The following XYLT1 variants were observed in gnomAD, a reference collection of about 807,000 sequenced individuals.
XYLT1 encodes xylosyltransferase 1, also known as beta-D-xylosyltransferase 1.
XYLT1 carries 36 observed loss-of-function variants against 91.3 expected under a neutral mutation model. The observed-to-expected ratio is 0.39, with a 90% CI of 0.30 to 0.52. The LOEUF is 0.52. Ranked by LOEUF, XYLT1 falls within the 20% of genes least tolerant of loss-of-function variation. The pLI is 0.68. For missense variants in XYLT1, 1,242 were observed against 1,284.5 expected (o/e 0.97, Z 0.51); for synonymous variants, 588 against 532.0 (o/e 1.11, Z -1.45).
intron 1 of XYLT1, among the ~76,000 whole-genome samples, chr16:17,422,141 C>G (rs1247357395): frequency 1.3e-5 from 2 of 151,914 alleles, no homozygotes; most frequent in Admixed American, 6.6e-5. Context: ...CACCACCACA[C>G]CCGGCTAATT....
At chr16:17,283,765 T>C (rs903548317) in intron 2 of XYLT1, among the ~76,000 whole-genome samples, 1 of 152,202 alleles carries the variant, frequency 6.6e-6, no homozygotes, top group Non-Finnish European at 1.5e-5. Context: ...ATACTTCACG[T>C]GTCTTGGGAC....
chr16:17,410,978 A>G (rs973748317), intron 1 of XYLT1, among the ~76,000 whole-genome samples: 4 of 152,130 alleles, frequency 2.6e-5, no homozygotes, highest in Admixed American at 1.3e-4. Flanking sequence ...GGCTTCTTGC[A>G]TATTTTACAG....
intron 2 of XYLT1, among the ~76,000 whole-genome samples, chr16:17,286,184 G>C (rs2034138476): frequency 6.6e-6 from 1 of 152,102 alleles, no homozygotes; most frequent in Non-Finnish European, 1.5e-5. Context: ...CTAGTAATTG[G>C]TAGGACTGGA....
chr16:17,438,695 T>A (rs545931398), intron 1 of XYLT1, among the ~76,000 whole-genome samples: 5 of 152,064 alleles, frequency 3.3e-5, no homozygotes, highest in Non-Finnish European at 7.4e-5. Flanking sequence ...CTTACAATCA[T>A]GGCAGAAGGT....
intron 1 of XYLT1, among the ~76,000 whole-genome samples, chr16:17,368,404 AGATGACAGCCTT>A (rs906964911): frequency 3.3e-5 from 5 of 152,280 alleles, no homozygotes; most frequent in African/African-American, 1.2e-4. Flanking sequence ...GTGACAATGA[AGATGACAGCCTT>A]GATGACAGCG....
intron 2 of XYLT1, among the ~76,000 whole-genome samples, chr16:17,334,244 AAAC>A (rs2034945107): frequency 6.6e-6 from 1 of 152,168 alleles, no homozygotes; most frequent in Non-Finnish European, 1.5e-5. Context: ...CGGGGCTTTA[AAAC>A]AAATTGGTCA....
chr16:17,343,743 ACAGGCATGAGCCACCATACC>A (rs1294955254), intron 2 of XYLT1, among the ~76,000 whole-genome samples: 2 of 152,222 alleles, frequency 1.3e-5, no homozygotes, highest in Non-Finnish European at 2.9e-5. Context: ...TGTTGGCATT[ACAGGCATGAGCCACCATACC>A]CAGTGTGCTT....
intron 8 of XYLT1, among the ~76,000 whole-genome samples, chr16:17,137,081 T>C (rs1402541756): frequency 6.6e-6 from 1 of 152,094 alleles, no homozygotes; most frequent in Non-Finnish European, 1.5e-5. Flanking sequence ...GGCAGCCCCC[T>C]GTCTGCCAGC....
At chr16:17,391,666 T>G (rs1272623708) in intron 1 of XYLT1, among the ~76,000 whole-genome samples, 1 of 152,084 alleles carries the variant, frequency 6.6e-6, no homozygotes, top group East Asian at 1.9e-4. Flanking sequence ...CCTTTCTTCT[T>G]CCAGCAGCCA....
At chr16:17,458,585 C>T (rs1567210568) in intron 1 of XYLT1, among the ~76,000 whole-genome samples, 1 of 152,068 alleles carries the variant, frequency 6.6e-6, no homozygotes, top group Non-Finnish European at 1.5e-5. Context: ...ACTTGAACTT[C>T]AGAACAAAAC....
At chr16:17,111,724 AG>A (rs1284239269) in intron 11 of XYLT1, among the ~76,000 whole-genome samples, 1 of 152,244 alleles carries the variant, frequency 6.6e-6, no homozygotes, top group Non-Finnish European at 1.5e-5. Context: ...CCAATGCCCC[AG>A]GAAGCAAAAG....
At chr16:17,260,954 C>T (rs1384693723) in intron 2 of XYLT1, among the ~76,000 whole-genome samples, 1 of 152,138 alleles carries the variant, frequency 6.6e-6, no homozygotes, top group Non-Finnish European at 1.5e-5. Context: ...GCCCCTAGGA[C>T]TGGGCGTGGT....
intron 1 of XYLT1, among the ~76,000 whole-genome samples, chr16:17,461,227 C>T (rs1403145449): frequency 6.6e-6 from 1 of 152,220 alleles, no homozygotes; most frequent in Non-Finnish European, 1.5e-5. Flanking sequence ...TGGCAGAGAC[C>T]TCAGGGCTCC....
intron 3 of XYLT1, among the ~76,000 whole-genome samples, chr16:17,251,840 T>TGTTCCCTGCAA (rs2033544602): frequency 6.6e-6 from 1 of 152,084 alleles, no homozygotes; most frequent in African/African-American, 2.4e-5. Context: ...GAAGAGGTGG[T>TGTTCCCTGCAA]CCTGGAAGGC....
intron 3 of XYLT1, among the ~76,000 whole-genome samples, chr16:17,241,843 G>A (rs948973673): frequency 6.6e-6 from 1 of 152,184 alleles, no homozygotes; most frequent in African/African-American, 2.4e-5. Flanking sequence ...CAAAGCAGGA[G>A]TATTAGTCTT....
In XYLT1 at chr16:17,302,338, G is replaced by A. The variant is rs140977029; in HGVS notation, c.403-42840C>T. 6.4e-4 allele frequency among the ~76,000 whole-genome samples: 98 copies of A among 152,292 alleles called. No homozygotes were observed. In the East Asian group the frequency reaches 0.011, roughly 16 times the overall value. ...AGCATAAGATGTCGAGTCTAGACCA[G>A]GGGACACCGTCGTAGCAGACAGCCA... On this transcript the variant is annotated intron_variant, in intron 2 of 11. Transcript: ENST00000261381.
At chr16:17,329,590 A>T (rs1235933706) in intron 2 of XYLT1, among the ~76,000 whole-genome samples, 1 of 152,210 alleles carries the variant, frequency 6.6e-6, no homozygotes, top group Middle Eastern at 3.2e-3. Flanking sequence ...GTAGACAGAC[A>T]TCACTAACTG....
intron 2 of XYLT1, among the ~76,000 whole-genome samples, chr16:17,327,288 C>T (rs886719463): frequency 6.6e-6 from 1 of 151,844 alleles, no homozygotes; most frequent in African/African-American, 2.4e-5. Flanking sequence ...GATAAAACAC[C>T]TGTCAACAAA....
intron 3 of XYLT1, among the ~76,000 whole-genome samples, chr16:17,246,178 GT>G: frequency 6.6e-6 from 1 of 152,334 alleles, no homozygotes; most frequent in Admixed American, 6.5e-5. Context: ...TAAGTTTTCT[GT>G]GTCTCAACTT....
Sources: gnomAD v4.1 joint callset for allele counts (sites outside exome capture counted in the v4.1 genomes callset) on GRCh38, gnomAD v4.1.1 for gene constraint, MANE v1.5 for transcripts, NCBI Gene and HGNC (gene_info 2026-07-23, HGNC 2026-07-21) for gene names.